The following KIAA0825 variants were observed in gnomAD, a reference collection of about 807,000 sequenced individuals.
KIAA0825 encodes the protein KIAA0825.
A neutral mutation model predicts 147.6 loss-of-function variants in KIAA0825; 119 were observed. The ratio of observed to expected loss-of-function variants is 0.81; its 90% CI spans 0.69 to 0.94. The LOEUF is 0.94. KIAA0825 is among the 40% of genes least tolerant of loss of function. The probability of loss-of-function intolerance (pLI) is 0.00; values close to 1 mark genes in which losing one functional copy is unlikely to be tolerated. For synonymous variants in KIAA0825, 470 were observed against 518.1 expected (o/e 0.91, Z 1.26); for missense variants, 1,381 against 1,472.7 (o/e 0.94, Z 1.02).
At chr5:94,199,520 G>A (rs527918249) in intron 20 of KIAA0825, among the ~76,000 whole-genome samples, 2 of 152,290 alleles carry the variant, frequency 1.3e-5, no homozygotes, top group African/African-American at 4.8e-5. Context: ...GCACCAGTGA[G>A]GCAGCTGAGG....
intron 20 of KIAA0825, among the ~76,000 whole-genome samples, chr5:94,370,976 C>T (rs1198706931): frequency 6.6e-6 from 1 of 151,954 alleles, no homozygotes; most frequent in Non-Finnish European, 1.5e-5. Flanking sequence ...TTAGACTTAT[C>T]AACCAATAAA....
intron 20 of KIAA0825, among the ~76,000 whole-genome samples, chr5:94,237,998 A>G (rs956907282): frequency 3.3e-5 from 5 of 152,308 alleles, no homozygotes; most frequent in Non-Finnish European, 7.4e-5. Flanking sequence ...AAATTCATCA[A>G]ATGGCACACT....
intron 20 of KIAA0825, among the ~76,000 whole-genome samples, chr5:94,342,229 C>T (rs552092377): frequency 6.6e-6 from 1 of 151,492 alleles, no homozygotes; most frequent in African/African-American, 2.4e-5. Flanking sequence ...AGGATTTGCA[C>T]CAAAATTGTC....
At chr5:94,488,027 G>T (rs1323219062) in intron 5 of KIAA0825, among the ~76,000 whole-genome samples, 1 of 152,110 alleles carries the variant, frequency 6.6e-6, no homozygotes, top group Non-Finnish European at 1.5e-5. Context: ...GGGTTAAAAC[G>T]ATTCTCCTGC....
chr5:94,605,098 A>G (rs1033725977), intron 1 of KIAA0825, among the ~76,000 whole-genome samples: 3 of 152,202 alleles, frequency 2.0e-5, no homozygotes, highest in Admixed American at 2.0e-4. Context: ...CACTGACTAC[A>G]CAGAAATAAA....
intron 20 of KIAA0825, among the ~76,000 whole-genome samples, chr5:94,323,470 C>G (rs982701897): frequency 4.0e-5 from 6 of 148,324 alleles, no homozygotes; most frequent in African/African-American, 1.5e-4. Context: ...TACTGAGAAA[C>G]AAAAATTCAA....
At chr5:94,484,962 AT>A in intron 5 of KIAA0825, 32 bp from the exon 6 acceptor site, 1 of 1,361,700 alleles carries the variant, frequency 7.3e-7, no homozygotes, top group Non-Finnish European at 9.7e-7. Flanking sequence ...ACTGTCATAC[AT>A]TTTATTTACC....
rs567015524 is a variant in KIAA0825, at chr5:94,494,297, C to G, written c.971-9367G>C. Among the ~76,000 whole-genome samples the G allele has an allele frequency of 7.3e-5, 11 of 150,952 alleles. No homozygotes were observed. The South Asian group carries it at 8.4e-4, about 11-fold the overall frequency. On this transcript the variant is annotated intron_variant, in intron 5 of 20. Transcript: ENST00000682413. ...TCCCAAGGGTATAATACTCTTGTCC[C>G]TCTCCTATATTCAATCCTTTTTTTT...
intron 5 of KIAA0825, among the ~76,000 whole-genome samples, chr5:94,501,828 CT>C (rs1208850748): frequency 4.6e-5 from 7 of 152,204 alleles, no homozygotes; most frequent in East Asian, 3.9e-4. Flanking sequence ...AGGAATAAGA[CT>C]TTCAAAGATA....
chr5:94,515,685 G>C (rs1165166973), intron 5 of KIAA0825, among the ~76,000 whole-genome samples: 2 of 151,494 alleles, frequency 1.3e-5, no homozygotes, highest in Non-Finnish European at 2.9e-5. Context: ...CCAGCTACTT[G>C]GGAGACTGAG....
chr5:94,208,787 T>C (rs1301210635), intron 20 of KIAA0825, among the ~76,000 whole-genome samples: 1 of 152,216 alleles, frequency 6.6e-6, no homozygotes, highest in East Asian at 1.9e-4. Flanking sequence ...AAATGGAGCA[T>C]AGCTTGTCCA....
At chr5:94,418,573 A>G (rs1172994753) in intron 14 of KIAA0825, among the ~76,000 whole-genome samples, 3 of 151,520 alleles carry the variant, frequency 2.0e-5, no homozygotes, top group Admixed American at 6.6e-5. Flanking sequence ...ACCATAACAT[A>G]TTGCATCAAC....
At chr5:94,167,499 A>G (rs1310575601) in intron 20 of KIAA0825, among the ~76,000 whole-genome samples, 1 of 152,190 alleles carries the variant, frequency 6.6e-6, no homozygotes, top group Non-Finnish European at 1.5e-5. Context: ...GAATAAATGG[A>G]TGGCAAAAAT....
At chr5:94,609,994 GAAGGA>G (rs896262918) in intron 1 of KIAA0825, among the ~76,000 whole-genome samples, 5 of 152,322 alleles carry the variant, frequency 3.3e-5, no homozygotes, top group African/African-American at 1.2e-4. Context: ...ATATGCTAGA[GAAGGA>G]AAGAATTATA....
intron 14 of KIAA0825, among the ~76,000 whole-genome samples, chr5:94,424,448 G>GA (rs1754586899): frequency 6.6e-6 from 1 of 151,760 alleles, no homozygotes; most frequent in African/African-American, 2.4e-5. Flanking sequence ...AAATTAAAGA[G>GA]AAAATTTAAA....
chr5:94,281,326 CA>C (rs1420421652), intron 20 of KIAA0825, among the ~76,000 whole-genome samples: 4 of 150,408 alleles, frequency 2.7e-5, no homozygotes, highest in African/African-American at 4.9e-5. Context: ...ATGAAAAGTA[CA>C]AAAAAAAATT....
At chr5:94,564,988 CTTCTCCT>C (rs1378460192) in intron 2 of KIAA0825, among the ~76,000 whole-genome samples, 9 of 137,218 alleles carry the variant, frequency 6.6e-5, no homozygotes, top group African/African-American at 2.5e-4. Context: ...CTTCTCTTCT[CTTCTCCT>C]CTCTCTCTCT....
intron 20 of KIAA0825, among the ~76,000 whole-genome samples, chr5:94,170,153 G>A (rs1312945372): frequency 6.6e-6 from 1 of 152,060 alleles, no homozygotes; most frequent in Non-Finnish European, 1.5e-5. Flanking sequence ...CAAAAAATAA[G>A]CCAGGCATGG....
chr5:94,422,252 G>A (rs1754281027), intron 14 of KIAA0825, among the ~76,000 whole-genome samples: 1 of 152,066 alleles, frequency 6.6e-6, no homozygotes, highest in Admixed American at 6.6e-5. Flanking sequence ...CATTCCAGAG[G>A]TGCCCTCTAT....
Sources: allele counts gnomAD v4.1 joint callset (sites outside exome capture counted in the v4.1 genomes callset), GRCh38; gene constraint gnomAD v4.1.1; transcripts MANE v1.5; gene names NCBI Gene and HGNC (gene_info 2026-07-23, HGNC 2026-07-21).